ATP1A4: variants seen among roughly 807,000 people sequenced by gnomAD.
ATP1A4 encodes the protein ATPase Na+/K+ transporting subunit alpha 4.
ATP1A4 carries 90 observed loss-of-function variants against 114.3 expected under a neutral mutation model. That is an observed-to-expected ratio of 0.79 (90% CI 0.66 to 0.94). ATP1A4 has a LOEUF of 0.94. Ranked by LOEUF, ATP1A4 falls within the 40% of genes least tolerant of loss-of-function variation. The pLI is 0.00. For missense variants in ATP1A4, 1,222 were observed against 1,313.6 expected (o/e 0.93, Z 1.08); for synonymous variants, 511 against 494.1 (o/e 1.03, Z -0.45).
At chr1:160,166,479 T>G in intron 7 of ATP1A4, 49 bp from the exon 8 acceptor site, 17 of 1,598,928 alleles carry the variant, frequency 1.1e-5, no homozygotes, top group Non-Finnish European at 1.5e-5. Flanking sequence ...CAAAATGGTG[T>G]GAGTATTCCA....
chr1:160,186,086 CA>C (rs527303426), intron 20 of ATP1A4, among the ~76,000 whole-genome samples, 189 bp from the exon 21 acceptor site: 510 of 32,748 alleles, frequency 0.016, 1 homozygote, highest in African/African-American at 0.053. Flanking sequence ...GACTCTGTCG[CA>C]AAAAAAAAAA....
intron 21 of ATP1A4, 98 bp from the exon 22 acceptor site, chr1:160,186,573 C>T: frequency 7.0e-7 from 1 of 1,423,646 alleles, no homozygotes; most frequent in Non-Finnish European, 9.7e-7. Context: ...TTCCAGACCT[C>T]CCACCTCCAA....
chr1:160,155,378 A>T, intron 3 of ATP1A4, 130 bp downstream of exon 3: 1 of 567,360 alleles, frequency 1.8e-6, no homozygotes, highest in Non-Finnish European at 3.1e-6. Flanking sequence ...TTAATGTAAT[A>T]ATGTAATAAA....
At position 160,151,829 on chromosome 1, in the gene ATP1A4, G is replaced by C. The variant is rs751566558; in HGVS notation, c.-212G>C. The C allele has an allele frequency of 2.0e-6, 1 of 508,038 alleles. No individual in the cohort carries two copies. The highest frequency in any genetic ancestry group is 1.9e-5 in the African/African-American group (1 of 52,304). 31.5% of individuals were successfully genotyped at this position (508,038 alleles called of 1,614,324 possible). ...CTTCCCAGCGGACGGCTGGAGGACC[G>C]CTCAGTCTCTCCTCTCTCACTTCCC... On this transcript the variant is annotated 5_prime_UTR_variant, in exon 1 of 22. Transcript: ENST00000368081.
chr1:160,152,588 AC>A (rs1652496485), intron 1 of ATP1A4, among the ~76,000 whole-genome samples: 1 of 152,020 alleles, frequency 6.6e-6, no homozygotes, highest in Admixed American at 6.6e-5. Flanking sequence ...TATTCCCTGG[AC>A]CTTTGCCCAG....
Position 160,177,553 on chromosome 1 carries a change from C to T in ATP1A4, c.2625C>T (p.Tyr875=), listed in dbSNP as rs1472660369. 6.2e-7 allele frequency: 1 copy of T among 1,614,182 alleles called. No homozygotes were observed. Among genetic ancestry groups the T allele is most frequent in the Non-Finnish European group, 8.5e-7 (1 of 1,180,028 alleles). The change falls in exon 18 of 22, where the codon TAC becomes TAT. Residue 875 remains tyrosine (Y), a synonymous_variant. Transcript: ENST00000368081. The stretch of plus-strand genomic sequence containing the variant: ...AGGCTCTGGCTGGATTCTTTACCTA[C>T]TTTGTAATCCTGGCTGAGAATGGTT... ...MIQALAGFFT[Y]FVILAENGFR...
intron 21 of ATP1A4, 128 bp downstream of exon 21, chr1:160,186,495 C>A: frequency 1.9e-6 from 2 of 1,057,420 alleles, no homozygotes; most frequent in African/African-American, 1.6e-5. Flanking sequence ...CTTGACTGCG[C>A]CTGGAGCCGA....
intron 6 of ATP1A4, among the ~76,000 whole-genome samples, chr1:160,161,578 C>G (rs1652863826): frequency 6.6e-6 from 1 of 152,178 alleles, no homozygotes; most frequent in Non-Finnish European, 1.5e-5. Flanking sequence ...AAGAACTAGA[C>G]TAAACCATGA....
intron 2 of ATP1A4, 53 bp downstream of exon 2, chr1:160,153,277 G>A: frequency 6.5e-7 from 1 of 1,528,410 alleles, no homozygotes; most frequent in South Asian, 1.1e-5. Context: ...TGACTGTGAG[G>A]CTGCCAGGAC....
Position 160,159,085 on chromosome 1 carries a change from TG to T in ATP1A4, c.611del (p.Gly204GlufsTer23). 1.2e-6 allele frequency: 2 copies of T among 1,614,100 alleles called. No individual in the cohort carries two copies. Among genetic ancestry groups the T allele is most frequent in the South Asian group, 1.1e-5 (1 of 91,078 alleles). On this transcript the variant is annotated frameshift_variant, in exon 5 of 22. Coordinates refer to ENST00000368081, the MANE Select transcript of ATP1A4 (RefSeq NM_144699.4). LOFTEE classifies it high-confidence loss of function. The part of the protein sequence containing the change: ...VLGDLVEIKG[G>X]DRVPADLRLI... ...TGGGAGACCTGGTGGAAATCAAGGG[TG>T]GAGACCGAGTCCCTGCTGACCTCCG...
At chr1:160,178,532 G>A (rs556705095) in intron 18 of ATP1A4, among the ~76,000 whole-genome samples, 46 of 152,084 alleles carry the variant, frequency 3.0e-4, no homozygotes, top group Middle Eastern at 3.4e-3. Flanking sequence ...AAAATAAGCT[G>A]GGTATGGTCG....
intron 14 of ATP1A4, 104 bp from the exon 15 acceptor site, chr1:160,174,475 G>A (rs758723185): frequency 1.3e-5 from 20 of 1,511,992 alleles, no homozygotes; most frequent in Non-Finnish European, 1.8e-5. Context: ...AATCAAGCAT[G>A]ATTACATCAG....
At position 160,177,290 on chromosome 1, in the gene ATP1A4, C is replaced by A. The variant is rs915841085; in HGVS notation, c.2591-229C>A. On this transcript the variant is annotated intron_variant, in intron 17 of 21. Coordinates refer to ENST00000368081, the MANE Select transcript of ATP1A4 (RefSeq NM_144699.4). ...AGTTTTAAGACCATGTGATTCAAAGCTGACTCTGGGTCAGAGTTTAGAAAC... is the reference window on the plus strand; with the variant it reads ...AGTTTTAAGACCATGTGATTCAAAGATGACTCTGGGTCAGAGTTTAGAAAC... 139 of 491,648 alleles carry A rather than the reference C, an allele frequency of 2.8e-4. 1 individual carries two copies. Among genetic ancestry groups the A allele is most frequent in the African/African-American group, 2.6e-3 (135 of 51,430 alleles). The allele number at this position is 491,648 out of a possible 1,614,324, so 30.5% of individuals were successfully genotyped here.
intron 17 of ATP1A4, chr1:160,177,278 T>C (rs184024499): frequency 3.4e-5 from 16 of 468,288 alleles, no homozygotes; most frequent in Non-Finnish European, 6.0e-5. Context: ...TTTAAGACCA[T>C]GTGATTCAAA....
At position 160,186,266 on chromosome 1, in the gene ATP1A4, C is replaced by A. The variant is rs754558852; in HGVS notation, c.2970-10C>A. On this transcript the variant is annotated splice_polypyrimidine_tract_variant and intron_variant, in intron 20 of 21. Coordinates refer to ENST00000368081, the MANE Select transcript of ATP1A4 (RefSeq NM_144699.4). ...CTCCTGCCATGCTGACTGGCTCTTG[C>A]TCTCTACAGGATAACCTGGTGGCTC... The A allele has an allele frequency of 6.3e-7, 1 of 1,598,442 alleles. No homozygotes were observed. The highest frequency in any genetic ancestry group is 1.1e-5 in the South Asian group (1 of 90,792).
Position 160,182,286 on chromosome 1 carries a change from G to A in ATP1A4, c.2969+255G>A, listed in dbSNP as rs578117706. On this transcript the variant is annotated intron_variant, in intron 20 of 21. Transcript: ENST00000368081. ...AGCAGACTTACCAGTGTTTAACAGAGTGAAATCTTTTTCGTGATGATGTGT... is the reference window on the plus strand; with the variant it reads ...AGCAGACTTACCAGTGTTTAACAGAATGAAATCTTTTTCGTGATGATGTGT... 2.6e-5 allele frequency among the ~76,000 whole-genome samples: 4 copies of A among 152,312 alleles called. No individual in the cohort carries two copies. The South Asian group carries it at 8.3e-4, about 32-fold the overall frequency.
Position 160,164,435 on chromosome 1 carries a change from A to C in ATP1A4, c.1047+11A>C. On this transcript the variant is annotated intron_variant, in intron 7 of 21. Transcript: ENST00000368081. ...TTGGCCACAGTCACTGTGAGTAGAC[A>C]GGGTGGAAAATGGCCTCAGGGCAGA... is the stretch of plus-strand genomic sequence containing the variant. 2 of 1,613,296 alleles carry C rather than the reference A, an allele frequency of 1.2e-6. No individual in the cohort carries two copies. Among genetic ancestry groups the C allele is most frequent in the East Asian group, 4.5e-5 (2 of 44,886 alleles).
At chr1:160,160,472 C>T (rs1414945660) in intron 6 of ATP1A4, among the ~76,000 whole-genome samples, 1 of 152,180 alleles carries the variant, frequency 6.6e-6, no homozygotes, top group Admixed American at 6.5e-5. Context: ...CCTCCTCGGC[C>T]TCCCAAAGTG....
chr1:160,167,413 G>C lies in ATP1A4; in HGVS notation c.1491+1G>C. The C allele has an allele frequency of 6.2e-7, 1 of 1,611,188 alleles. No individual in the cohort carries two copies. ...CTTTAATTCTACCAACAAGTACCAG[G>C]TACAGAACCCACAAAGGTAGGAGAA... On this transcript the variant is annotated splice_donor_variant, in intron 10 of 21. Transcript: ENST00000368081. LOFTEE classifies it high-confidence loss of function.
Sources: gnomAD v4.1 joint callset for allele counts (sites outside exome capture counted in the v4.1 genomes callset) on GRCh38, gnomAD v4.1.1 for gene constraint, MANE v1.5 for transcripts, NCBI Gene and HGNC (gene_info 2026-07-23, HGNC 2026-07-21) for gene names.